PRUNE2: variants seen among roughly 807,000 people sequenced by gnomAD.
The protein encoded by PRUNE2 is protein prune homolog 2.
In PRUNE2, 164 loss-of-function variants were observed where a neutral mutation model predicts 252.0. The ratio of observed to expected loss-of-function variants is 0.65; its 90% confidence interval spans 0.57 to 0.74. PRUNE2 has a LOEUF of 0.74. Among genes scored for constraint, PRUNE2 ranks in the 30% least tolerant of loss-of-function variants. The pLI is 0.00. For synonymous variants in PRUNE2, 1,292 were observed against 1,350.2 expected (o/e 0.96, Z 0.94); for missense variants, 3,495 against 3,711.0 (o/e 0.94, Z 1.51).
intron 6 of PRUNE2, among the ~76,000 whole-genome samples, chr9:76,789,422 C>T (rs2055339036): frequency 1.3e-5 from 2 of 152,208 alleles, no homozygotes; most frequent in Non-Finnish European, 2.9e-5. Flanking sequence ...ATCTCTCATC[C>T]AGTGGTCTTC....
chr9:76,629,922 G>A (rs1836746848), intron 15 of PRUNE2, among the ~76,000 whole-genome samples: 1 of 152,200 alleles, frequency 6.6e-6, no homozygotes, highest in Admixed American at 6.5e-5. Context: ...TAGTGAGGTA[G>A]ACACTATTAT....
Position 76,704,099 on chromosome 9 carries a change from C to A in PRUNE2, c.7514G>T (p.Gly2505Val). The change falls in exon 9 of 19, where the codon GGT becomes GTT. Residue 2505 changes from glycine to valine, a missense_variant and splice_region_variant. Transcript: ENST00000376718. ...PAGGDIGPPN[G>V]ASKEISELEE... The stretch of plus-strand genomic sequence containing the variant: ...CAATTCTGATATTTCCTTGCTGGCA[C>A]CTAGAAGTGGAAGTTGAAAGTGAGA... 6.4e-7 allele frequency: 1 copy of A among 1,572,620 alleles called. No homozygotes were observed. The highest frequency in any genetic ancestry group is 8.6e-7 in the Non-Finnish European group (1 of 1,161,548).
Position 76,710,811 on chromosome 9 carries a change from C to T in PRUNE2, c.1463G>A (p.Gly488Asp), listed in dbSNP as rs756983823. Residue 488 changes from glycine (G) to aspartate (D), a missense_variant, in exon 8 of 19, where the codon GGT (glycine) becomes GAT (aspartate). Physicochemically the swap from Gly to Asp is moderately conservative, Grantham distance 94. Transcript: ENST00000376718. ...AAAATTGAAGAGGTCGAAGTGCTCA[C>T]CGTGTTCTCCAGACCATGCATGTTC... is the stretch of plus-strand genomic sequence containing the variant. ...AEEHAWSGEHGEHFDLFNFDP... is the reference protein window; with the variant it reads ...AEEHAWSGEHDEHFDLFNFDP... The T allele has an allele frequency of 9.5e-6, 15 of 1,572,018 alleles. No homozygotes were observed. Among genetic ancestry groups the T allele is most frequent in the Non-Finnish European group, 1.3e-5 (15 of 1,160,692 alleles).
intron 11 of PRUNE2, among the ~76,000 whole-genome samples, chr9:76,647,497 G>T (rs948277788): frequency 2.0e-5 from 3 of 150,154 alleles, no homozygotes; most frequent in African/African-American, 7.3e-5. Flanking sequence ...CCAAAGGCAT[G>T]ATCCATGAAA....
intron 6 of PRUNE2, among the ~76,000 whole-genome samples, chr9:76,793,758 GAA>G (rs938125080): frequency 6.9e-6 from 1 of 144,706 alleles, no homozygotes; most frequent in Admixed American, 6.8e-5. Flanking sequence ...AAAGGAAAAA[GAA>G]AAAAAAAAGG....
At chr9:76,830,504 T>C (rs2058606948) in intron 4 of PRUNE2, among the ~76,000 whole-genome samples, 1 of 151,780 alleles carries the variant, frequency 6.6e-6, no homozygotes, top group Admixed American at 6.6e-5. Context: ...ATATAAAAAC[T>C]AGCTGGGCAT....
At chr9:76,812,847 G>A (rs548501341) in intron 6 of PRUNE2, among the ~76,000 whole-genome samples, 1 of 152,210 alleles carries the variant, frequency 6.6e-6, no homozygotes, top group Non-Finnish European at 1.5e-5. Flanking sequence ...CTGTTGGCAA[G>A]AGCTGACTGT....
At chr9:76,641,550 C>A (rs980672056) in intron 12 of PRUNE2, among the ~76,000 whole-genome samples, 12 of 152,144 alleles carry the variant, frequency 7.9e-5, no homozygotes, top group South Asian at 2.1e-4. Flanking sequence ...TCCCAGATAC[C>A]TTGAAGGGGT....
chr9:76,689,317 T>C (rs1025765738), intron 9 of PRUNE2, among the ~76,000 whole-genome samples: 7 of 152,168 alleles, frequency 4.6e-5, no homozygotes, highest in African/African-American at 1.7e-4. Context: ...GAGTGGTAGA[T>C]TTATTTTTAA....
Position 76,704,983 on chromosome 9 carries a change from G to C in PRUNE2, c.7291C>G (p.Leu2431Val). ...SLGCRAAEIV[L>V]SALPDRRSEG... ...CTTCTTCGATCAGGAAGTGCAGAAA[G>C]CACTATCTCTGCTGCTCTGCATCCC... Residue 2431 changes from leucine to valine, a missense_variant, in exon 8 of 19, where the codon CTT becomes GTT. Physicochemically the swap from Leu to Val is conservative, Grantham distance 32. Coordinates refer to ENST00000376718, the MANE Select transcript of PRUNE2 (RefSeq NM_015225.3). 6.2e-7 allele frequency: 1 copy of C among 1,613,738 alleles called. No individual in the cohort carries two copies. The highest frequency in any genetic ancestry group is 8.5e-7 in the Non-Finnish European group (1 of 1,179,738).
intron 6 of PRUNE2, chr9:76,778,538 C>T (rs143869688): frequency 1.3e-5 from 2 of 152,170 alleles, no homozygotes; most frequent in Non-Finnish European, 2.9e-5. Flanking sequence ...AGTGGTTCAA[C>T]GAGGACTTGG....
At chr9:76,806,683 T>C (rs113873113) in intron 6 of PRUNE2, among the ~76,000 whole-genome samples, 1 of 150,374 alleles carries the variant, frequency 6.7e-6, no homozygotes, top group African/African-American at 2.4e-5. Flanking sequence ...AATTTTTTTT[T>C]TTTTTTTTGT....
intron 3 of PRUNE2, among the ~76,000 whole-genome samples, chr9:76,848,487 T>C (rs1489077864): frequency 6.6e-6 from 1 of 152,224 alleles, no homozygotes; most frequent in Non-Finnish European, 1.5e-5. Flanking sequence ...AGTAAATGAA[T>C]TGCATAATAG....
At position 76,704,930 on chromosome 9, in the gene PRUNE2, GT is replaced by G; in HGVS notation, c.7343del (p.Asn2448ThrfsTer24). On this transcript the variant is annotated frameshift_variant, in exon 8 of 19. Coordinates refer to ENST00000376718, the MANE Select transcript of PRUNE2 (RefSeq NM_015225.3). LOFTEE classifies it high-confidence loss of function. ...CAGCCAGCTGGGATCCAGGCAGTCT[GT>G]TTTTGGTCTCAGCCTGGTTTCCCTC... is the stretch of plus-strand genomic sequence containing the variant. The part of the protein sequence containing the change: ...RSEGNQAETK[N>X]RLPGSQLAVL... 1.2e-6 allele frequency: 2 copies of G among 1,612,486 alleles called. No homozygotes were observed. Among genetic ancestry groups the G allele is most frequent in the Non-Finnish European group, 1.7e-6 (2 of 1,179,160 alleles).
rs1339197328 is a variant in PRUNE2 at position 76,846,697 on chromosome 9, G to A, written c.345-19C>T. The stretch of plus-strand genomic sequence containing the variant: ...GTCTTCACTGTAAAGCAAATGGAGG[G>A]GAGGAAGAGAAAGGGATATGGCATG... On this transcript the variant is annotated intron_variant, in intron 3 of 18. Coordinates refer to ENST00000376718, the MANE Select transcript of PRUNE2 (RefSeq NM_015225.3). The A allele has an allele frequency of 1.2e-6, 2 of 1,605,826 alleles. No individual in the cohort carries two copies. Among genetic ancestry groups the A allele is most frequent in the Admixed American group, 1.7e-5 (1 of 59,868 alleles).
chr9:76,879,878 CAT>C (rs1391636538), intron 1 of PRUNE2, among the ~76,000 whole-genome samples: 2,805 of 75,330 alleles, frequency 0.037, 175 homozygotes, highest in East Asian at 0.068. Context: ...AGAGGCCTGT[CAT>C]ATATATATAT....
At chr9:76,719,122 A>AT (rs1032814309) in intron 6 of PRUNE2, among the ~76,000 whole-genome samples, 5 of 145,272 alleles carry the variant, frequency 3.4e-5, no homozygotes, top group South Asian at 2.1e-4. Context: ...GCTTTATTTT[A>AT]TTTTTTTTCC....
At position 76,677,888 on chromosome 9, in the gene PRUNE2, C is replaced by T. The variant is rs149503468; in HGVS notation, c.8277-22386G>A. On this transcript the variant is annotated intron_variant, in intron 9 of 18. Transcript: ENST00000376718. ...GGCAGACATAAGAAGGAACACTTCC[C>T]CCACACCCCACGAGGATTTGCACTC... Among the ~76,000 whole-genome samples, 509 of 152,250 alleles carry T rather than the reference C, an allele frequency of 3.3e-3. 4 individuals are homozygous for T. The highest frequency in any genetic ancestry group is 7.3e-3 in the South Asian group (35 of 4,820).
chr9:76,867,940 ATATT>A (rs754930466), intron 1 of PRUNE2, among the ~76,000 whole-genome samples: 2 of 152,164 alleles, frequency 1.3e-5, no homozygotes. Flanking sequence ...ATGTATCTAA[ATATT>A]TATCCTGGCT....
Sources: gnomAD v4.1 joint callset for allele counts (sites outside exome capture counted in the v4.1 genomes callset) on GRCh38, gnomAD v4.1.1 for gene constraint, MANE v1.5 for transcripts, NCBI Gene and HGNC (gene_info 2026-07-23, HGNC 2026-07-21) for gene names.